UST: variants seen among roughly 807,000 people sequenced by gnomAD.
UST encodes the protein uronyl 2-sulfotransferase, also known as chondroitin sulfate 2-O-sulfotransferase.
Under a neutral mutation model 45.6 loss-of-function variants are expected in UST, and 21 were observed. The observed-to-expected ratio is 0.46, with a 90% confidence interval of 0.33 to 0.66. UST has a LOEUF of 0.66. Among genes scored for constraint, UST ranks in the 30% least tolerant of loss-of-function variants. The pLI, the probability that UST is intolerant of heterozygous loss-of-function variation, is 0.02. For synonymous variants in UST, 215 were observed against 200.6 expected, an observed-to-expected ratio of 1.07 and a Z score of -0.61; for missense variants, 463 against 512.4, an observed-to-expected ratio of 0.90 and a Z score of 0.93.
chr6:148,834,169 A>G (rs1446656328), intron 1 of UST, among the ~76,000 whole-genome samples: 1 of 152,258 alleles, frequency 6.6e-6, no homozygotes, highest in African/African-American at 2.4e-5. Flanking sequence ...ACATAAAGTT[A>G]TAAGGTTCAT....
At chr6:148,948,750 A>G (rs1364551293) in intron 3 of UST, among the ~76,000 whole-genome samples, 1 of 152,340 alleles carries the variant, frequency 6.6e-6, no homozygotes, top group South Asian at 2.1e-4. Flanking sequence ...TTTATATTCC[A>G]TAAACCTTCT....
At chr6:149,024,354 C>T (rs891679326) in intron 7 of UST, among the ~76,000 whole-genome samples, 18 of 152,338 alleles carry the variant, frequency 1.2e-4, no homozygotes, top group Non-Finnish European at 2.1e-4. Flanking sequence ...TAGCATAACT[C>T]TCTCAGCTGC....
chr6:149,025,033 G>A (rs1776030973), intron 7 of UST, among the ~76,000 whole-genome samples: 1 of 152,062 alleles, frequency 6.6e-6, no homozygotes, highest in African/African-American at 2.4e-5. Flanking sequence ...TCTCATTACA[G>A]AAGAAAAAAC....
intron 1 of UST, among the ~76,000 whole-genome samples, chr6:148,842,064 C>G (rs935756323): frequency 6.6e-6 from 1 of 152,154 alleles, no homozygotes; most frequent in Admixed American, 6.5e-5. Context: ...CGAGATCTTA[C>G]CAATGCACTT....
At position 149,075,549 on chromosome 6, in the gene UST, A is replaced by G. The variant is rs1776878872; in HGVS notation, c.*1433A>G. The G allele has an allele frequency of 1.3e-5, 2 of 152,136 alleles. No homozygotes were observed. Among genetic ancestry groups the G allele is most frequent in the Non-Finnish European group, 2.9e-5 (2 of 68,038 alleles). 9.4% of individuals were successfully genotyped at this position (152,136 alleles called of 1,614,324 possible). On this transcript the variant is annotated 3_prime_UTR_variant, in exon 8 of 8. Transcript: ENST00000367463. ...TTGGGCAGTCTCACTGTCCTAAGGT[A>G]TGTCTTCTTTCCACCTCCCACTGCC...
At chr6:148,982,809 C>G (rs571360364) in intron 5 of UST, among the ~76,000 whole-genome samples, 1 of 152,336 alleles carries the variant, frequency 6.6e-6, no homozygotes, top group East Asian at 1.9e-4. Context: ...ATTAGTCCAA[C>G]AAATCTTCAG....
intron 1 of UST, among the ~76,000 whole-genome samples, chr6:148,787,498 C>A (rs1463135267): frequency 6.6e-6 from 1 of 152,038 alleles, no homozygotes; most frequent in African/African-American, 2.4e-5. Flanking sequence ...CAGATGGTTG[C>A]AGGTGTGTGG....
At chr6:148,751,077 G>A (rs1230495245) in intron 1 of UST, among the ~76,000 whole-genome samples, 1 of 152,158 alleles carries the variant, frequency 6.6e-6, no homozygotes, top group Non-Finnish European at 1.5e-5. Context: ...TGATTCCAAC[G>A]CAGAGAATTT....
At chr6:149,033,463 A>G (rs1171365753) in intron 7 of UST, among the ~76,000 whole-genome samples, 1 of 152,358 alleles carries the variant, frequency 6.6e-6, no homozygotes, top group Non-Finnish European at 1.5e-5. Flanking sequence ...CATCTTGCAA[A>G]TGGCACAGAA....
chr6:149,034,165 A>G lies in UST; in HGVS notation c.937+12684A>G, dbSNP rs6931744. On this transcript the variant is annotated intron_variant, in intron 7 of 7. Transcript: ENST00000367463. ...ATATACATTTTGTTGGCTGCTGATC[A>G]GAGTAGTACATCATGATTTTGTTTC... Among the ~76,000 whole-genome samples the G allele has an allele frequency of 3.3e-5, 5 of 152,108 alleles. No homozygotes were observed. The East Asian group carries it at 7.7e-4, about 23-fold the overall frequency.
At chr6:148,962,506 C>T (rs939871337) in intron 4 of UST, among the ~76,000 whole-genome samples, 2 of 152,156 alleles carry the variant, frequency 1.3e-5, no homozygotes, top group African/African-American at 2.4e-5. Context: ...AGCTTTATTA[C>T]TTTAGTTGCT....
At chr6:149,005,281 C>T in intron 5 of UST, 1 of 985,436 alleles carries the variant, frequency 1.0e-6, no homozygotes, top group Non-Finnish European at 1.2e-6. Context: ...GAACTCCTTA[C>T]ATCCCTCTCT....
intron 5 of UST, among the ~76,000 whole-genome samples, chr6:148,981,589 C>T (rs1781135851): frequency 6.6e-6 from 1 of 152,188 alleles, no homozygotes; most frequent in Non-Finnish European, 1.5e-5. Flanking sequence ...CTGTCTTTTT[C>T]ACCTGTACTT....
intron 7 of UST, among the ~76,000 whole-genome samples, chr6:149,046,740 G>A (rs1000033127): frequency 5.9e-5 from 9 of 152,186 alleles, no homozygotes; most frequent in South Asian, 2.1e-4. Flanking sequence ...TGATTCTTCC[G>A]TTTCCGTCTG....
chr6:148,811,240 G>A (rs2114730271), intron 1 of UST, among the ~76,000 whole-genome samples: 1 of 152,272 alleles, frequency 6.6e-6, no homozygotes, highest in Admixed American at 6.5e-5. Context: ...TGGCTCACCT[G>A]TACATGGTCC....
intron 1 of UST, among the ~76,000 whole-genome samples, chr6:148,767,762 A>C (rs1245804231): frequency 6.6e-6 from 1 of 152,342 alleles, no homozygotes; most frequent in Non-Finnish European, 1.5e-5. Context: ...TAAAACACAC[A>C]TTAATTTCTT....
chr6:148,863,557 A>G (rs1170052791), intron 1 of UST, among the ~76,000 whole-genome samples: 2 of 152,192 alleles, frequency 1.3e-5, no homozygotes, highest in South Asian at 2.1e-4. Context: ...AAGGAGCTGC[A>G]TTCCTCTGGA....
At chr6:148,839,979 C>G (rs1777859157) in intron 1 of UST, among the ~76,000 whole-genome samples, 1 of 152,118 alleles carries the variant, frequency 6.6e-6, no homozygotes, top group Admixed American at 6.5e-5. Context: ...CCCTACTTCC[C>G]TATTTTGGGC....
chr6:149,058,477 GAA>G (rs1436548407), intron 7 of UST, among the ~76,000 whole-genome samples: 1 of 151,680 alleles, frequency 6.6e-6, no homozygotes. Flanking sequence ...GAGGAGTAGA[GAA>G]AAAGAATCCT....
Sources: allele counts gnomAD v4.1 joint callset (sites outside exome capture counted in the v4.1 genomes callset), GRCh38; gene constraint gnomAD v4.1.1; transcripts MANE v1.5; gene names NCBI Gene and HGNC (gene_info 2026-07-23, HGNC 2026-07-21).